Variants in STK39 observed in about 807,000 individuals in gnomAD.
The protein encoded by STK39 is STE20/SPS1-related proline-alanine-rich protein kinase.
A neutral mutation model predicts 77.8 loss-of-function variants in STK39; 20 were observed. That is an observed-to-expected ratio of 0.26 (90% confidence interval 0.18 to 0.37). The LOEUF is 0.37. Ranked by LOEUF, STK39 falls within the 10% of genes least tolerant of loss-of-function variation. The pLI is 1.00. For synonymous variants in STK39, 246 were observed against 234.1 expected (o/e 1.05, Z -0.47); for missense variants, 479 against 656.5 (o/e 0.73, Z 2.95).
chr2:168,077,307 C>T (rs1686106312), intron 10 of STK39, among the ~76,000 whole-genome samples: 1 of 152,134 alleles, frequency 6.6e-6, no homozygotes, highest in South Asian at 2.1e-4. Context: ...TCCTTTCCCC[C>T]TCTGGCTCTA....
In STK39 at chr2:168,140,759, C is replaced by A; in HGVS notation, c.629-1G>T. On this transcript the variant is annotated splice_acceptor_variant, in intron 5 of 17. Transcript: ENST00000355999. LOFTEE classifies it high-confidence loss of function. ...GCTAGGAACGCACTTACCCCAAAATCTGAAAGGGAAAAAAAAATCACCTTT... is the reference window on the plus strand; with the variant it reads ...GCTAGGAACGCACTTACCCCAAAATATGAAAGGGAAAAAAAAATCACCTTT... 1 of 1,572,424 alleles carries A rather than the reference C, an allele frequency of 6.4e-7. No homozygotes were observed. The highest frequency in any genetic ancestry group is 8.6e-7 in the Non-Finnish European group (1 of 1,161,572).
chr2:168,176,307 A>C (rs1688954854), intron 2 of STK39, among the ~76,000 whole-genome samples: 1 of 150,994 alleles, frequency 6.6e-6, no homozygotes, highest in Non-Finnish European at 1.5e-5. Context: ...CCCCCCCTTA[A>C]ACCTCAATTA....
At chr2:168,226,970 T>C (rs1468777853) in intron 1 of STK39, among the ~76,000 whole-genome samples, 1 of 152,180 alleles carries the variant, frequency 6.6e-6, no homozygotes, top group Non-Finnish European at 1.5e-5. Context: ...AATACACATT[T>C]TTAAAGGAGG....
chr2:168,112,634 C>T (rs1290733652), intron 10 of STK39, among the ~76,000 whole-genome samples: 1 of 152,070 alleles, frequency 6.6e-6, no homozygotes, highest in African/African-American at 2.4e-5. Flanking sequence ...TTCTTTATAG[C>T]AGTATGAAAA....
At chr2:168,133,465 T>C (rs376909233) in intron 8 of STK39, among the ~76,000 whole-genome samples, 30 of 152,348 alleles carry the variant, frequency 2.0e-4, no homozygotes, top group African/African-American at 6.3e-4. Flanking sequence ...TAGAGGTTTC[T>C]CTTTGCTCAA....
At chr2:167,983,625 G>T (rs1350179641) in intron 16 of STK39, among the ~76,000 whole-genome samples, 1 of 152,098 alleles carries the variant, frequency 6.6e-6, no homozygotes, top group Non-Finnish European at 1.5e-5. Context: ...GTTCAGGCAT[G>T]CTAGTGTGCC....
chr2:168,205,796 T>C (rs1275575774), intron 1 of STK39, among the ~76,000 whole-genome samples: 5 of 152,086 alleles, frequency 3.3e-5, no homozygotes, highest in African/African-American at 1.2e-4. Context: ...CTGGGCAAGA[T>C]GGCAAGACCC....
chr2:168,011,336 AT>A (rs1684265817), intron 16 of STK39, among the ~76,000 whole-genome samples: 1 of 151,122 alleles, frequency 6.6e-6, no homozygotes, highest in African/African-American at 2.4e-5. Context: ...AAACCATATC[AT>A]TTAAGGGGAG....
chr2:168,166,796 G>C (rs1422163351), intron 3 of STK39, among the ~76,000 whole-genome samples: 1 of 152,124 alleles, frequency 6.6e-6, no homozygotes, highest in East Asian at 1.9e-4. Context: ...CATCATCACA[G>C]AACATTCTGA....
At chr2:168,093,288 G>A (rs1051130340) in intron 10 of STK39, among the ~76,000 whole-genome samples, 3 of 152,180 alleles carry the variant, frequency 2.0e-5, no homozygotes, top group Non-Finnish European at 2.9e-5. Flanking sequence ...CCAAGACTGG[G>A]TAACTCATAA....
intron 1 of STK39, among the ~76,000 whole-genome samples, chr2:168,223,786 T>C (rs115986255): frequency 3.0e-3 from 452 of 152,180 alleles, no homozygotes; most frequent in South Asian, 0.01. Context: ...TGCTGAGTAA[T>C]TGGTCCAGTC....
chr2:168,067,065 T>C (rs1002592489), intron 12 of STK39, among the ~76,000 whole-genome samples: 4 of 152,062 alleles, frequency 2.6e-5, no homozygotes, highest in African/African-American at 9.7e-5. Context: ...CTACTAAAAA[T>C]ACAAAAATTA....
intron 3 of STK39, among the ~76,000 whole-genome samples, chr2:168,165,004 C>A (rs926511823): frequency 6.6e-6 from 1 of 151,994 alleles, no homozygotes; most frequent in Non-Finnish European, 1.5e-5. Context: ...GCTGCCTGCC[C>A]CTCATTAAGA....
At chr2:168,008,403 C>G (rs1574387113) in intron 16 of STK39, among the ~76,000 whole-genome samples, 1 of 152,210 alleles carries the variant, frequency 6.6e-6, no homozygotes, top group South Asian at 2.1e-4. Flanking sequence ...GGCCTGAGCA[C>G]CTGGAAAGGT....
intron 10 of STK39, among the ~76,000 whole-genome samples, chr2:168,090,184 T>C (rs1193607189): frequency 6.6e-6 from 1 of 152,150 alleles, no homozygotes; most frequent in Non-Finnish European, 1.5e-5. Flanking sequence ...TATAAGAAAA[T>C]TTGGAAGTGG....
intron 10 of STK39, among the ~76,000 whole-genome samples, chr2:168,120,300 C>A (rs771449968): frequency 6.6e-6 from 1 of 152,208 alleles, no homozygotes; most frequent in African/African-American, 2.4e-5. Flanking sequence ...CAATAAATAT[C>A]GTTTTTCTCT....
intron 3 of STK39, among the ~76,000 whole-genome samples, chr2:168,164,383 A>G (rs965528388): frequency 5.3e-5 from 8 of 151,842 alleles, no homozygotes; most frequent in Non-Finnish European, 8.8e-5. Context: ...CTGTGACACT[A>G]CCTGATCTTT....
At chr2:168,102,151 A>G (rs1436652993) in intron 10 of STK39, among the ~76,000 whole-genome samples, 4 of 150,394 alleles carry the variant, frequency 2.7e-5, no homozygotes, top group Non-Finnish European at 3.0e-5. Context: ...TTTAATGGAC[A>G]TAACCTTCTC....
intron 10 of STK39, among the ~76,000 whole-genome samples, chr2:168,120,963 C>T (rs925808298): frequency 2.8e-5 from 4 of 143,946 alleles, no homozygotes; most frequent in African/African-American, 9.9e-5. Context: ...GCAGCATCTC[C>T]TAGTGCCTGT....
Sources: gnomAD v4.1 joint callset for allele counts (sites outside exome capture counted in the v4.1 genomes callset) on GRCh38, gnomAD v4.1.1 for gene constraint, MANE v1.5 for transcripts, NCBI Gene and HGNC (gene_info 2026-07-23, HGNC 2026-07-21) for gene names.